The following AUTS2 variants were observed in gnomAD, a reference collection of about 807,000 sequenced individuals.
AUTS2 encodes the protein activator of transcription and developmental regulator AUTS2, also known as autism susceptibility gene 2 protein.
Under a neutral mutation model 112.4 loss-of-function variants are expected in AUTS2, and 17 were observed. That is an observed-to-expected ratio of 0.15 (90% CI 0.10 to 0.23). The LOEUF is 0.23. Ranked by LOEUF, AUTS2 falls within the 10% of genes least tolerant of loss-of-function variation. The probability of loss-of-function intolerance (pLI) is 1.00; values close to 1 mark genes in which losing one functional copy is unlikely to be tolerated. For synonymous variants in AUTS2, 751 were observed against 702.7 expected, an observed-to-expected ratio of 1.07 and a Z score of -1.09; for missense variants, 1,510 against 1,701.6, an observed-to-expected ratio of 0.89 and a Z score of 1.98.
chr7:70,604,702 C>T (rs1280341953), intron 5 of AUTS2, among the ~76,000 whole-genome samples: 1 of 152,178 alleles, frequency 6.6e-6, no homozygotes, highest in African/African-American at 2.4e-5. Context: ...AAGCTATGGA[C>T]AAGAAAGGAG....
At chr7:70,603,978 G>A (rs1490138191) in intron 5 of AUTS2, among the ~76,000 whole-genome samples, 1 of 152,126 alleles carries the variant, frequency 6.6e-6, no homozygotes, top group East Asian at 1.9e-4. Context: ...AGGTGATTTT[G>A]TCTGGGTTTA....
intron 4 of AUTS2, among the ~76,000 whole-genome samples, chr7:70,258,696 G>T (rs184535868): frequency 6.6e-6 from 1 of 151,938 alleles, no homozygotes; most frequent in Non-Finnish European, 1.5e-5. Flanking sequence ...TGTTTTTTTG[G>T]CTCTAAGAAA....
intron 5 of AUTS2, among the ~76,000 whole-genome samples, chr7:70,646,058 CT>C (rs1169729679): frequency 6.6e-6 from 1 of 152,154 alleles, no homozygotes; most frequent in African/African-American, 2.4e-5. Context: ...CTTTGGTTCT[CT>C]TTTCAGAGCA....
chr7:70,097,860 G>A (rs1174541187), intron 2 of AUTS2, among the ~76,000 whole-genome samples: 2 of 152,154 alleles, frequency 1.3e-5, no homozygotes, highest in Admixed American at 6.5e-5. Context: ...GATAAAGTGC[G>A]GCAGTCTAGA....
intron 5 of AUTS2, among the ~76,000 whole-genome samples, chr7:70,508,556 A>G (rs573852931): frequency 6.6e-6 from 1 of 152,260 alleles, no homozygotes; most frequent in African/African-American, 2.4e-5. Flanking sequence ...TCTCCCCAGT[A>G]GTCAGTCCTG....
chr7:70,129,444 A>G (rs1449776592), intron 3 of AUTS2, among the ~76,000 whole-genome samples: 4 of 152,202 alleles, frequency 2.6e-5, no homozygotes, highest in Non-Finnish European at 5.9e-5. Flanking sequence ...ATCATCACAG[A>G]AACACCCAGA....
chr7:70,270,537 T>G (rs1311795705), intron 4 of AUTS2, among the ~76,000 whole-genome samples: 1 of 152,150 alleles, frequency 6.6e-6, no homozygotes, highest in East Asian at 1.9e-4. Context: ...TACAGTATAC[T>G]AAGGAGTTTG....
At position 70,385,150 on chromosome 7, in the gene AUTS2, C is replaced by T. The variant is rs768931029; in HGVS notation, c.661-50602C>T. ...GTTGTGCAGACTCTCACAAGATGCA[C>T]CTCACCGCACATAATCATCTGTTGC... On this transcript the variant is annotated intron_variant, in intron 4 of 18. Transcript: ENST00000342771. Among the ~76,000 whole-genome samples, 6 of 152,312 alleles carry T rather than the reference C, an allele frequency of 3.9e-5. No homozygotes were observed. In the South Asian group the frequency reaches 8.3e-4, roughly 21 times the overall value.
intron 2 of AUTS2, among the ~76,000 whole-genome samples, chr7:69,969,059 T>G (rs1185711050): frequency 6.6e-6 from 1 of 152,184 alleles, no homozygotes; most frequent in African/African-American, 2.4e-5. Context: ...GGATTTTTTT[T>G]TCTCAGTAGA....
chr7:70,377,773 C>CTTTTTT (rs1200007177), intron 4 of AUTS2, among the ~76,000 whole-genome samples: 1 of 137,520 alleles, frequency 7.3e-6, no homozygotes, highest in African/African-American at 2.7e-5. Flanking sequence ...ATAATGTCTT[C>CTTTTTT]TTTTTTTTTT....
At chr7:69,947,540 G>A (rs569203904) in intron 2 of AUTS2, among the ~76,000 whole-genome samples, 50 of 152,228 alleles carry the variant, frequency 3.3e-4, no homozygotes, top group Admixed American at 1.4e-3. Flanking sequence ...AAAGTAGTAT[G>A]TCTAAGTTTC....
chr7:69,728,305 T>G lies in AUTS2; in HGVS notation c.309+128343T>G, dbSNP rs74847422. 1.1e-3 allele frequency among the ~76,000 whole-genome samples: 164 copies of G among 152,326 alleles called. 3 individuals carry two copies. The East Asian group carries it at 0.027, about 25-fold the overall frequency. On this transcript the variant is annotated intron_variant, in intron 1 of 18. Transcript: ENST00000342771. ...CAGGGTATTCCCACCCTAAACCTGC[T>G]GCAGTGCAGCCAACAAACCACCAAC...
At chr7:70,528,036 TG>T in intron 5 of AUTS2, among the ~76,000 whole-genome samples, 1 of 151,520 alleles carries the variant, frequency 6.6e-6, no homozygotes, top group Admixed American at 6.6e-5. Context: ...ATTTAGAGGA[TG>T]GGTAACATAG....
At chr7:70,532,877 A>G (rs1800153307) in intron 5 of AUTS2, among the ~76,000 whole-genome samples, 1 of 152,228 alleles carries the variant, frequency 6.6e-6, no homozygotes, top group African/African-American at 2.4e-5. Context: ...CAACTCAGTA[A>G]TTGATTCCAT....
At chr7:69,993,074 T>A (rs1050509541) in intron 2 of AUTS2, among the ~76,000 whole-genome samples, 3 of 152,166 alleles carry the variant, frequency 2.0e-5, no homozygotes, top group Non-Finnish European at 1.5e-5. Context: ...GGTTGGTACT[T>A]TCAGCGGTCT....
intron 5 of AUTS2, among the ~76,000 whole-genome samples, chr7:70,500,060 A>G (rs191730995): frequency 6.6e-6 from 1 of 151,892 alleles, no homozygotes; most frequent in Admixed American, 6.6e-5. Flanking sequence ...GTTTTACAGT[A>G]TTGCCCAAGA....
chr7:70,539,405 A>G (rs1444905920), intron 5 of AUTS2, among the ~76,000 whole-genome samples: 4 of 152,188 alleles, frequency 2.6e-5, no homozygotes, highest in Admixed American at 2.0e-4. Flanking sequence ...CCTTCTTTGA[A>G]AAGCCCTGTG....
chr7:70,053,065 T>C (rs2129559519), intron 2 of AUTS2, among the ~76,000 whole-genome samples: 1 of 152,364 alleles, frequency 6.6e-6, no homozygotes, highest in African/African-American at 2.4e-5. Context: ...TAAAGATTGC[T>C]GCTTTCTAGA....
At chr7:69,806,197 CTTTTTTTTTT>C (rs56704400) in intron 1 of AUTS2, among the ~76,000 whole-genome samples, 1,828 of 55,058 alleles carry the variant, frequency 0.033, 56 homozygotes, top group East Asian at 0.092. Context: ...CCAGCCAAGG[CTTTTTTTTTT>C]TTTTTTTTTT....
Sources: gnomAD v4.1 joint callset for allele counts (sites outside exome capture counted in the v4.1 genomes callset) on GRCh38, gnomAD v4.1.1 for gene constraint, MANE v1.5 for transcripts, NCBI Gene and HGNC (gene_info 2026-07-23, HGNC 2026-07-21) for gene names.